Variants in CCDC125 observed in about 807,000 individuals in gnomAD.
The protein encoded by CCDC125 is coiled-coil domain containing 125.
In CCDC125, 43 loss-of-function variants were observed where a neutral mutation model predicts 57.4. The ratio of observed to expected loss-of-function variants is 0.75; its 90% confidence interval spans 0.59 to 0.97. The LOEUF (loss-of-function observed/expected upper bound fraction) is 0.97, where lower values mean the gene tolerates loss of function less well. CCDC125 is among the 50% of genes least tolerant of loss of function. The pLI, the probability that CCDC125 is intolerant of heterozygous loss-of-function variation, is 0.00. For synonymous variants in CCDC125, 187 were observed against 195.2 expected (o/e 0.96, Z 0.35); for missense variants, 563 against 595.7 (o/e 0.95, Z 0.57).
intron 2 of CCDC125, among the ~76,000 whole-genome samples, chr5:69,314,420 G>A (rs576396884): frequency 8.9e-4 from 134 of 151,370 alleles, no homozygotes; most frequent in Non-Finnish European, 1.7e-3. Flanking sequence ...AGCGGAGATC[G>A]TGCCACTGTA....
chr5:69,293,226 C>T (rs1158670924), intron 9 of CCDC125, among the ~76,000 whole-genome samples: 1 of 152,124 alleles, frequency 6.6e-6, no homozygotes, highest in African/African-American at 2.4e-5. Context: ...GTAACTGTGA[C>T]GTCTTAGGCT....
At chr5:69,329,616 C>T (rs920697878) in intron 1 of CCDC125, among the ~76,000 whole-genome samples, 1 of 150,958 alleles carries the variant, frequency 6.6e-6, no homozygotes, top group African/African-American at 2.4e-5. Flanking sequence ...GATTCTCCCA[C>T]CTCAGCCTCC....
At chr5:69,273,993 T>G in the CCDC125 span, among the ~76,000 whole-genome samples, 2 of 152,206 alleles carry the variant, frequency 1.3e-5, no homozygotes, top group Admixed American at 6.5e-5. Flanking sequence ...TAAAAAATTT[T>G]TCTTTATTAT....
intron 6 of CCDC125, 23 bp from the exon 7 acceptor site, chr5:69,303,952 T>C: frequency 2.2e-6 from 3 of 1,334,072 alleles, no homozygotes; most frequent in African/African-American, 2.9e-5. Flanking sequence ...GGCTTTCAAA[T>C]AACTAAAACA....
intron 11 of CCDC125, among the ~76,000 whole-genome samples, chr5:69,283,911 C>T (rs1360597191): frequency 6.6e-6 from 1 of 151,856 alleles, no homozygotes; most frequent in Non-Finnish European, 1.5e-5. Context: ...CTGTCTCAGC[C>T]TCCCATGTAG....
In CCDC125 at chr5:69,300,198, A is replaced by G. The variant is rs1381428492; in HGVS notation, c.701-71T>C. On this transcript the variant is annotated intron_variant, in intron 7 of 11. Transcript: ENST00000396496. ...CACCCTCATCCAATCTAGTTACCCC[A>G]ACATGACATATTCATTTCGTACAAG... 4 of 1,058,824 alleles carry G rather than the reference A, an allele frequency of 3.8e-6. No individual in the cohort carries two copies. The African/African-American group carries it at 6.2e-5, about 16-fold the overall frequency. 65.6% of individuals were successfully genotyped at this position (1,058,824 alleles called of 1,614,324 possible). A position where few individuals can be genotyped will look rare whatever the true frequency, so the allele number is the denominator to read the frequency against.
chr5:69,320,464 C>G lies in CCDC125; in HGVS notation c.77G>C (p.Gly26Ala). ...CCTTCCGAGGCCATACCCTAAATCA[C>G]CTTCTGTCATGTCATCCTCTTCTGT... is the stretch of plus-strand genomic sequence containing the variant. ...WETEEDDMTE[G>A]DLGYGLGRKP... The change falls in exon 2 of 12, where the codon GGT becomes GCT. Residue 26 changes from glycine to alanine, a missense_variant. Coordinates refer to ENST00000396496, the MANE Select transcript of CCDC125 (RefSeq NM_176816.5). 1 of 1,613,484 alleles carries G rather than the reference C, an allele frequency of 6.2e-7. No individual in the cohort carries two copies. Among genetic ancestry groups the G allele is most frequent in the East Asian group, 2.2e-5 (1 of 44,886 alleles).
rs1752456900 is a variant in CCDC125 at position 69,281,274 on chromosome 5, T to C, written c.*1455A>G. The stretch of plus-strand genomic sequence containing the variant: ...ACTTTGAGAGGCTGAGGCAGGAGGA[T>C]CCCTTGAGGCCAGGAGTTTGGCACC... On this transcript the variant is annotated 3_prime_UTR_variant, in exon 12 of 12. Transcript: ENST00000396496. The C allele has an allele frequency of 6.6e-6, 1 of 152,106 alleles. No homozygotes were observed. Among genetic ancestry groups the C allele is most frequent in the Admixed American group, 6.6e-5 (1 of 15,242 alleles). The allele number at this position is 152,106 out of a possible 1,614,324, so 9.4% of individuals were successfully genotyped here.
In CCDC125 at chr5:69,282,700, T is replaced by C. The variant is rs1752603399; in HGVS notation, c.*29A>G. 1.3e-6 allele frequency: 2 copies of C among 1,520,108 alleles called. No individual in the cohort carries two copies. Among genetic ancestry groups the C allele is most frequent in the Non-Finnish European group, 8.8e-7 (1 of 1,130,348 alleles). 94.2% of individuals were successfully genotyped at this position (1,520,108 alleles called of 1,614,324 possible). ...TTCAAAGTATCTCGATATAAACAAC[T>C]CTCAGTTCCAATTTCAACTGGCTTG... On this transcript the variant is annotated 3_prime_UTR_variant, in exon 12 of 12. Coordinates refer to ENST00000396496, the MANE Select transcript of CCDC125 (RefSeq NM_176816.5).
Position 69,282,509 on chromosome 5 carries a change from C to T in CCDC125, c.*220G>A, listed in dbSNP as rs1355713577. On this transcript the variant is annotated 3_prime_UTR_variant, in exon 12 of 12. Coordinates refer to ENST00000396496, the MANE Select transcript of CCDC125 (RefSeq NM_176816.5). ...CCGGGAGGCGGAGGTTGCAGTGAAC[C>T]GAGATCACACCACTGCACTCCAACC... The T allele has an allele frequency of 3.1e-5, 13 of 418,520 alleles. No individual in the cohort carries two copies. The highest frequency in any genetic ancestry group is 4.6e-5 in the Non-Finnish European group (11 of 239,246). The allele number at this position is 418,520 out of a possible 1,614,324, so 25.9% of individuals were successfully genotyped here.
intron 10 of CCDC125, among the ~76,000 whole-genome samples, chr5:69,286,457 C>T (rs1207898926): frequency 6.6e-6 from 1 of 151,222 alleles, no homozygotes; most frequent in East Asian, 1.9e-4. Flanking sequence ...TGGTCTCGAT[C>T]TCCTGACCTC....
intron 6 of CCDC125, among the ~76,000 whole-genome samples, chr5:69,305,973 A>G (rs1211357027): frequency 6.6e-6 from 1 of 152,234 alleles, no homozygotes; most frequent in African/African-American, 2.4e-5. Flanking sequence ...TAGTAAGTGT[A>G]TAATTTAAAG....
chr5:69,307,725 C>G (rs1757557237), intron 5 of CCDC125: 3 of 498,776 alleles, frequency 6.0e-6, no homozygotes, highest in Non-Finnish European at 1.1e-5. Flanking sequence ...ACCAATTTGG[C>G]AGGCCTCCTA....
At chr5:69,317,395 T>C (rs1759286429) in intron 2 of CCDC125, among the ~76,000 whole-genome samples, 1 of 152,130 alleles carries the variant, frequency 6.6e-6, no homozygotes, top group African/African-American at 2.4e-5. Context: ...CTATACACAA[T>C]AAGGAATTGG....
chr5:69,308,332 C>A, intron 4 of CCDC125: 1 of 370,404 alleles, frequency 2.7e-6, no homozygotes, highest in Non-Finnish European at 5.0e-6. Flanking sequence ...GTGTCCCCAC[C>A]CAAATCTCAT....
rs1491228428 is a variant in CCDC125 at position 69,286,187 on chromosome 5, ACT to A, written c.1100-722_1100-721del. ...CACTTAAAAACAGTTCAAATGGTAA[ACT>A]ATATATATATATATATATATATATA... is the stretch of plus-strand genomic sequence containing the variant. On this transcript the variant is annotated intron_variant, in intron 10 of 11. Coordinates refer to ENST00000396496, the MANE Select transcript of CCDC125 (RefSeq NM_176816.5). 3.7e-4 allele frequency among the ~76,000 whole-genome samples: 20 copies of A among 53,938 alleles called. 1 individual carries two copies. In the South Asian group the frequency reaches 5.0e-3, roughly 13 times the overall value. The allele number at this position is 53,938 out of a possible 152,430, so 35.4% of individuals were successfully genotyped here.
intron 11 of CCDC125, among the ~76,000 whole-genome samples, chr5:69,283,812 CAG>C (rs1191499156): frequency 1.4e-5 from 2 of 139,092 alleles, no homozygotes; most frequent in African/African-American, 5.4e-5. Flanking sequence ...TTTTTTGAGA[CAG>C]AGTCTCGCTC....
chr5:69,331,328 G>T (rs1253886201), intron 1 of CCDC125, among the ~76,000 whole-genome samples: 1 of 151,750 alleles, frequency 6.6e-6, no homozygotes, highest in African/African-American at 2.4e-5. Context: ...GACCTCCTGG[G>T]TTCAAGCGAT....
At chr5:69,324,985 T>C (rs914716141) in intron 1 of CCDC125, among the ~76,000 whole-genome samples, 1 of 152,222 alleles carries the variant, frequency 6.6e-6, no homozygotes, top group Non-Finnish European at 1.5e-5. Flanking sequence ...GGAAGTTTTC[T>C]GGGGTAATGG....
Sources: allele counts gnomAD v4.1 joint callset (sites outside exome capture counted in the v4.1 genomes callset), GRCh38; gene constraint gnomAD v4.1.1; transcripts MANE v1.5; gene names NCBI Gene and HGNC (gene_info 2026-07-23, HGNC 2026-07-21).